BORCS5: variants seen among roughly 807,000 people sequenced by gnomAD.
The protein encoded by BORCS5 is BLOC-1 related complex subunit 5.
In BORCS5, 17 loss-of-function variants were observed where a neutral mutation model predicts 22.1. That is an observed-to-expected ratio of 0.77 (90% confidence interval 0.53 to 1.15). The LOEUF is 1.15. Ranked by LOEUF, BORCS5 falls within the 50% of genes most tolerant of loss-of-function variation. The probability of loss-of-function intolerance (pLI) is 0.00; values close to 1 mark genes in which losing one functional copy is unlikely to be tolerated. For missense variants in BORCS5, 247 were observed against 253.2 expected (o/e 0.98, Z 0.17); for synonymous variants, 117 against 99.8 (o/e 1.17, Z -1.03).
At chr12:12,380,154 C>T (rs1035970601) in intron 2 of BORCS5, among the ~76,000 whole-genome samples, 1 of 151,174 alleles carries the variant, frequency 6.6e-6, no homozygotes, top group Non-Finnish European at 1.5e-5. Context: ...AAAACAATTA[C>T]AATAGTGACA....
At chr12:12,460,968 T>C (rs1463661010) in intron 3 of BORCS5, among the ~76,000 whole-genome samples, 2 of 152,182 alleles carry the variant, frequency 1.3e-5, no homozygotes, top group African/African-American at 4.8e-5. Flanking sequence ...TGGAACAACT[T>C]TGAGCACATT....
chr12:12,463,826 C>T (rs1224344717), intron 3 of BORCS5, among the ~76,000 whole-genome samples: 1 of 152,204 alleles, frequency 6.6e-6, no homozygotes, highest in African/African-American at 2.4e-5. Context: ...GATGGATTGA[C>T]TGCCAAGGAC....
chr12:12,455,204 C>G (rs376421519), intron 3 of BORCS5, among the ~76,000 whole-genome samples: 88 of 152,230 alleles, frequency 5.8e-4, no homozygotes, highest in African/African-American at 2.0e-3. Flanking sequence ...GGAAATCCAC[C>G]CAAAGAAAGA....
chr12:12,434,112 G>A (rs899774584), intron 2 of BORCS5, among the ~76,000 whole-genome samples: 1 of 151,850 alleles, frequency 6.6e-6, no homozygotes, highest in African/African-American at 2.4e-5. Flanking sequence ...GCAAAACCCT[G>A]TCTCTACTAA....
intron 3 of BORCS5, among the ~76,000 whole-genome samples, chr12:12,451,197 A>G (rs1440474608): frequency 2.0e-5 from 3 of 151,680 alleles, no homozygotes; most frequent in Admixed American, 6.6e-5. Context: ...GATAAAATAT[A>G]CTTTACTTTG....
chr12:12,414,690 AC>A (rs1266094128), intron 2 of BORCS5, among the ~76,000 whole-genome samples: 4 of 73,020 alleles, frequency 5.5e-5, no homozygotes, highest in South Asian at 4.0e-4. Flanking sequence ...CGGGGGGCTG[AC>A]CCCCCCCACC....
chr12:12,427,172 CTTTTTTTTTTTT>C (rs869191667), intron 2 of BORCS5, among the ~76,000 whole-genome samples: 3 of 84,488 alleles, frequency 3.6e-5, no homozygotes, highest in South Asian at 8.0e-4. Context: ...TCTTTCTTTT[CTTTTTTTTTTTT>C]TTTTTTTTTT....
chr12:12,382,076 C>T (rs1043888585), intron 2 of BORCS5, among the ~76,000 whole-genome samples: 5 of 151,206 alleles, frequency 3.3e-5, no homozygotes, highest in African/African-American at 1.2e-4. Flanking sequence ...ATTAATAGAG[C>T]CATTTGTGTT....
At chr12:12,367,722 A>G (rs1384549727) in intron 2 of BORCS5, among the ~76,000 whole-genome samples, 2 of 152,222 alleles carry the variant, frequency 1.3e-5, no homozygotes, top group African/African-American at 2.4e-5. Context: ...CCTTACTCCC[A>G]TAAATCTCTG....
chr12:12,454,275 G>C (rs927681485), intron 3 of BORCS5, among the ~76,000 whole-genome samples: 49 of 152,206 alleles, frequency 3.2e-4, no homozygotes, highest in Admixed American at 3.1e-3. Flanking sequence ...CAAAATGACT[G>C]TCCCATTTTA....
chr12:12,423,471 A>C (rs1942195476), intron 2 of BORCS5, among the ~76,000 whole-genome samples: 2 of 88,444 alleles, frequency 2.3e-5, no homozygotes, highest in African/African-American at 4.5e-5. Flanking sequence ...TTTTTTCCTG[A>C]CTGATACGCT....
chr12:12,462,050 G>A (rs572575033), intron 3 of BORCS5, among the ~76,000 whole-genome samples: 33 of 152,296 alleles, frequency 2.2e-4, no homozygotes, highest in African/African-American at 4.3e-4. Context: ...TAATGTACAC[G>A]GTAAGCTGTG....
intron 3 of BORCS5, among the ~76,000 whole-genome samples, chr12:12,436,278 A>T (rs1050051810): frequency 6.6e-5 from 10 of 152,264 alleles, no homozygotes; most frequent in African/African-American, 2.4e-4. Flanking sequence ...TTATGGAAAC[A>T]ATTACGCCTA....
At chr12:12,388,901 C>A (rs1863939629) in intron 2 of BORCS5, among the ~76,000 whole-genome samples, 1 of 148,446 alleles carries the variant, frequency 6.7e-6, no homozygotes, top group Admixed American at 6.7e-5. Flanking sequence ...ATGGTTGAAG[C>A]CAGTCCTCTG....
chr12:12,411,326 G>C (rs908171020), intron 2 of BORCS5, among the ~76,000 whole-genome samples: 2 of 152,138 alleles, frequency 1.3e-5, no homozygotes, highest in African/African-American at 4.8e-5. Flanking sequence ...AATGCTTCCA[G>C]TTTTTGTCCA....
chr12:12,408,083 G>A (rs563473045), intron 2 of BORCS5, among the ~76,000 whole-genome samples: 1 of 152,244 alleles, frequency 6.6e-6, no homozygotes, highest in African/African-American at 2.4e-5. Context: ...GCATACTTCA[G>A]TTTACCACAA....
chr12:12,358,499 A>G (rs1286121384), intron 1 of BORCS5, among the ~76,000 whole-genome samples: 2 of 152,212 alleles, frequency 1.3e-5, no homozygotes, highest in African/African-American at 4.8e-5. Context: ...CCAGAGTGTC[A>G]TATCTGTTAT....
At chr12:12,367,683 C>T (rs949865322) in intron 2 of BORCS5, among the ~76,000 whole-genome samples, 1 of 152,216 alleles carries the variant, frequency 6.6e-6, no homozygotes, top group Admixed American at 6.5e-5. Context: ...GAAAGTGAAG[C>T]TGTCTCACCA....
chr12:12,390,314 C>G (rs1220431715), intron 2 of BORCS5, among the ~76,000 whole-genome samples: 1 of 152,046 alleles, frequency 6.6e-6, no homozygotes, highest in East Asian at 1.9e-4. Context: ...TAGACCATCT[C>G]CTTCATTATC....
Sources: gnomAD v4.1 joint callset for allele counts (sites outside exome capture counted in the v4.1 genomes callset) on GRCh38, gnomAD v4.1.1 for gene constraint, MANE v1.5 for transcripts, NCBI Gene and HGNC (gene_info 2026-07-23, HGNC 2026-07-21) for gene names.